Variants in LRRTM4 observed in about 807,000 individuals in gnomAD.
LRRTM4 encodes leucine rich repeat transmembrane neuronal 4, also known as leucine-rich repeat transmembrane neuronal protein 4.
LRRTM4 carries 25 observed loss-of-function variants against 47.6 expected under a neutral mutation model. The ratio of observed to expected loss-of-function variants is 0.53; its 90% CI spans 0.38 to 0.73. The LOEUF (loss-of-function observed/expected upper bound fraction) is 0.73. Ranked by LOEUF, LRRTM4 falls within the 30% of genes least tolerant of loss-of-function variation. The pLI is 0.00. For synonymous variants in LRRTM4, 311 were observed against 269.5 expected, an observed-to-expected ratio of 1.15 and a Z score of -1.51; for missense variants, 638 against 713.4, an observed-to-expected ratio of 0.89 and a Z score of 1.20.
chr2:77,330,310 C>T (rs1433667918), intron 3 of LRRTM4, among the ~76,000 whole-genome samples: 1 of 152,024 alleles, frequency 6.6e-6, no homozygotes, highest in Non-Finnish European at 1.5e-5. Flanking sequence ...TTACAATGTG[C>T]CCACATGGTT....
chr2:77,174,722 T>A (rs868284410), intron 3 of LRRTM4, among the ~76,000 whole-genome samples: 1 of 152,134 alleles, frequency 6.6e-6, no homozygotes, highest in Non-Finnish European at 1.5e-5. Context: ...TGTATACATG[T>A]GCCATGTTGG....
intron 3 of LRRTM4, among the ~76,000 whole-genome samples, chr2:77,065,908 G>A (rs945986728): frequency 5.9e-5 from 9 of 152,082 alleles, no homozygotes; most frequent in Non-Finnish European, 1.0e-4. Flanking sequence ...GATCATACAT[G>A]TGCAATACTT....
intron 3 of LRRTM4, among the ~76,000 whole-genome samples, chr2:76,752,216 G>C (rs552023129): frequency 2.6e-5 from 4 of 152,226 alleles, no homozygotes; most frequent in Middle Eastern, 3.4e-3. Context: ...ATGAAAATAA[G>C]TAGCTCATAA....
At chr2:76,768,812 T>C (rs1169893045) in intron 3 of LRRTM4, among the ~76,000 whole-genome samples, 1 of 152,188 alleles carries the variant, frequency 6.6e-6, no homozygotes, top group Non-Finnish European at 1.5e-5. Context: ...AATTAGGATC[T>C]GATTCCTCCT....
At chr2:77,373,950 C>G (rs748563703) in intron 3 of LRRTM4, among the ~76,000 whole-genome samples, 3 of 151,746 alleles carry the variant, frequency 2.0e-5, no homozygotes, top group African/African-American at 7.3e-5. Context: ...TGAAAATGAG[C>G]TTGCTAAGTT....
chr2:76,867,898 C>T (rs1480958441), intron 3 of LRRTM4, among the ~76,000 whole-genome samples: 1 of 152,098 alleles, frequency 6.6e-6, no homozygotes, highest in Non-Finnish European at 1.5e-5. Flanking sequence ...CCACCTAAGT[C>T]CCAGGAAACG....
chr2:77,178,036 T>A (rs1673246513), intron 3 of LRRTM4, among the ~76,000 whole-genome samples: 1 of 152,196 alleles, frequency 6.6e-6, no homozygotes, highest in African/African-American at 2.4e-5. Context: ...TCCTTCATAC[T>A]CTTCTTCATG....
intron 3 of LRRTM4, among the ~76,000 whole-genome samples, chr2:76,999,449 CAA>C (rs35918882): frequency 0.046 from 6,406 of 140,526 alleles, 446 homozygotes; most frequent in African/African-American, 0.15. Context: ...GGAAACAAAA[CAA>C]AAAAAAAAAG....
In LRRTM4 at chr2:77,141,567, A is replaced by G. The variant is rs369630455; in HGVS notation, c.1551+376751T>C. The stretch of plus-strand genomic sequence containing the variant: ...GCACACCAACATGGCGCATGTGTAC[A>G]TATGTAACAAACCTGCACGTTGTGC... On this transcript the variant is annotated intron_variant, in intron 3 of 3. Transcript: ENST00000409884. Among the ~76,000 whole-genome samples the G allele has an allele frequency of 5.3e-5, 8 of 152,210 alleles. No individual in the cohort carries two copies. The South Asian group carries it at 1.7e-3, about 31-fold the overall frequency.
chr2:76,866,736 A>C (rs1672480777), intron 3 of LRRTM4, among the ~76,000 whole-genome samples: 1 of 152,188 alleles, frequency 6.6e-6, no homozygotes, highest in Non-Finnish European at 1.5e-5. Context: ...TTCTTTACCC[A>C]GTCTATCATT....
At chr2:76,968,530 T>A (rs1190046438) in intron 3 of LRRTM4, among the ~76,000 whole-genome samples, 2 of 151,180 alleles carry the variant, frequency 1.3e-5, no homozygotes, top group Non-Finnish European at 3.0e-5. Flanking sequence ...TTGAAAAAAA[T>A]ATCTCTTCAA....
At chr2:77,145,391 A>C (rs1672230482) in intron 3 of LRRTM4, among the ~76,000 whole-genome samples, 2 of 151,996 alleles carry the variant, frequency 1.3e-5, no homozygotes, top group Non-Finnish European at 2.9e-5. Context: ...ATATATGATC[A>C]TTTTATAACA....
At chr2:77,142,881 A>G (rs1672160631) in intron 3 of LRRTM4, among the ~76,000 whole-genome samples, 1 of 152,174 alleles carries the variant, frequency 6.6e-6, no homozygotes, top group South Asian at 2.1e-4. Context: ...AGTGATGTAA[A>G]AAAAATTTCC....
intron 3 of LRRTM4, among the ~76,000 whole-genome samples, chr2:76,904,768 T>C (rs1234662177): frequency 2.0e-5 from 3 of 152,132 alleles, no homozygotes; most frequent in Admixed American, 6.5e-5. Flanking sequence ...ATGTAACATA[T>C]GTAAAAAATG....
At chr2:77,239,599 C>A (rs1046977742) in intron 3 of LRRTM4, among the ~76,000 whole-genome samples, 2 of 151,786 alleles carry the variant, frequency 1.3e-5, no homozygotes, top group East Asian at 3.9e-4. Context: ...GAAAAGTATA[C>A]CTCACAAGTA....
At chr2:76,847,397 T>C (rs1222933774) in intron 3 of LRRTM4, among the ~76,000 whole-genome samples, 2 of 152,078 alleles carry the variant, frequency 1.3e-5, no homozygotes, top group Non-Finnish European at 2.9e-5. Context: ...TAATTCTCTT[T>C]TCAGTTTACA....
In LRRTM4 at chr2:76,894,249, G is replaced by C. The variant is rs145979126; in HGVS notation, c.1552-145333C>G. Among the ~76,000 whole-genome samples, 321 of 152,104 alleles carry C rather than the reference G, an allele frequency of 2.1e-3. 1 individual carries two copies. Among genetic ancestry groups the C allele is most frequent in the African/African-American group, 7.3e-3 (305 of 41,544 alleles). On this transcript the variant is annotated intron_variant, in intron 3 of 3. Coordinates refer to ENST00000409884, the MANE Select transcript of LRRTM4 (RefSeq NM_001134745.3). ...CATTACTTAAGGCATTCATGCACAT[G>C]CTAGAAAACCTTATGATACTTATGC... is the stretch of plus-strand genomic sequence containing the variant.
chr2:77,253,349 A>G (rs975931505), intron 3 of LRRTM4, among the ~76,000 whole-genome samples: 1 of 152,054 alleles, frequency 6.6e-6, no homozygotes, highest in Non-Finnish European at 1.5e-5. Context: ...CTCAGTAGTA[A>G]AGAGGGTTCT....
At chr2:77,399,485 C>T (rs765726615) in intron 3 of LRRTM4, among the ~76,000 whole-genome samples, 7 of 151,658 alleles carry the variant, frequency 4.6e-5, no homozygotes, top group Non-Finnish European at 7.4e-5. Context: ...TGAGCTGTTG[C>T]GGAGTTGTCA....
Sources: gnomAD v4.1 joint callset for allele counts (sites outside exome capture counted in the v4.1 genomes callset) on GRCh38, gnomAD v4.1.1 for gene constraint, MANE v1.5 for transcripts, NCBI Gene and HGNC (gene_info 2026-07-23, HGNC 2026-07-21) for gene names.